Variants in PLSCR2 observed in about 807,000 individuals in gnomAD.
PLSCR2 encodes phospholipid scramblase 2.
In PLSCR2, 18 loss-of-function variants were observed where a neutral mutation model predicts 25.3. That is an observed-to-expected ratio of 0.71 (90% CI 0.49 to 1.06). The LOEUF is 1.06. Ranked by LOEUF, PLSCR2 falls within the 50% of genes least tolerant of loss-of-function variation. The pLI is 0.00. For synonymous variants in PLSCR2, 88 were observed against 87.3 expected, an observed-to-expected ratio of 1.01 and a Z score of -0.04; for missense variants, 243 against 269.5, an observed-to-expected ratio of 0.90 and a Z score of 0.69.
At chr3:146,433,372 C>A (rs766300308) in exon 9 of PLSCR2, 4 of 151,846 alleles carry the variant, frequency 2.6e-5, no homozygotes, top group African/African-American at 4.8e-5. Context: ...ATATTCAATG[C>A]GAAATGTTTA....
chr3:146,490,410 C>A (rs773948881), intron 1 of PLSCR2, among the ~76,000 whole-genome samples: 1 of 152,042 alleles, frequency 6.6e-6, no homozygotes, highest in Non-Finnish European at 1.5e-5. Flanking sequence ...GAAAATGAAG[C>A]ATGCCTCGTA....
chr3:146,414,514 G>A (rs950094286), intron 2 of PLSCR2, among the ~76,000 whole-genome samples: 2 of 151,962 alleles, frequency 1.3e-5, no homozygotes, highest in Non-Finnish European at 2.9e-5. Context: ...ATGCCAAAAC[G>A]GAAGAGCTTT....
chr3:146,394,017 G>A (rs2038188267), intron 3 of PLSCR2, among the ~76,000 whole-genome samples: 1 of 151,824 alleles, frequency 6.6e-6, no homozygotes, highest in Non-Finnish European at 1.5e-5. Context: ...CATGCATACA[G>A]GTCTAGAATT....
chr3:146,409,338 G>A (rs1298429512), intron 2 of PLSCR2, among the ~76,000 whole-genome samples: 1 of 152,096 alleles, frequency 6.6e-6, no homozygotes, highest in Non-Finnish European at 1.5e-5. Context: ...TGGTGGGACT[G>A]GGTGAGGGAG....
intron 3 of PLSCR2, among the ~76,000 whole-genome samples, chr3:146,392,070 G>A (rs1559963400): frequency 6.6e-6 from 1 of 151,788 alleles, no homozygotes; most frequent in Non-Finnish European, 1.5e-5. Context: ...TTTTTAGTTT[G>A]TTTTAATATC....
Position 146,449,376 on chromosome 3 carries a change from CA to C in PLSCR2, c.484-10del, listed in dbSNP as rs531684156. On this transcript the variant is annotated splice_polypyrimidine_tract_variant and intron_variant, in intron 5 of 6. Coordinates refer to ENST00000610787, the Ensembl canonical transcript of PLSCR2. Reference sequence around the variant, plus strand: ...TCATCAAGAGATGTAATCTAAATTGCAAAAAAAAAAAAAACTTAAAAATTTC... The same window carrying C: ...TCATCAAGAGATGTAATCTAAATTGCAAAAAAAAAAAAACTTAAAAATTTC... The C allele has an allele frequency of 0.066, 77,657 of 1,185,166 alleles. 8 individuals carry two copies. The highest frequency in any genetic ancestry group is 0.097 in the South Asian group (6,185 of 63,818). The allele number at this position is 1,185,166 out of a possible 1,614,324, so 73.4% of individuals were successfully genotyped here.
At chr3:146,411,697 A>G (rs34359311) in intron 2 of PLSCR2, among the ~76,000 whole-genome samples, 78,512 of 151,624 alleles carry the variant, frequency 0.52, 20,620 homozygotes, top group South Asian at 0.7. Context: ...TAATGCTCAA[A>G]ATTCTCTCGG....
In PLSCR2 at chr3:146,419,450, T is replaced by C. The variant is rs145810970; in HGVS notation, c.101-23529A>G. On this transcript the variant is annotated intron_variant and NMD_transcript_variant, in intron 2 of 3. Coordinates refer to the PLSCR2 transcript ENST00000463633. Reference sequence around the variant, plus strand: ...AATTCCAAAGCCACTTATGTATTTTTAGGTACTTGCTACAGCAAACAATGT... The same window carrying C: ...AATTCCAAAGCCACTTATGTATTTTCAGGTACTTGCTACAGCAAACAATGT... Among the ~76,000 whole-genome samples the C allele has an allele frequency of 2.7e-4, 41 of 152,262 alleles. No homozygotes were observed. The East Asian group carries it at 6.8e-3, about 25-fold the overall frequency.
chr3:146,482,712 C>T (rs565070317), intron 1 of PLSCR2, among the ~76,000 whole-genome samples: 10 of 152,248 alleles, frequency 6.6e-5, no homozygotes, highest in African/African-American at 2.2e-4. Context: ...TTGACCCAGC[C>T]ATCCCATTAC....
intron 8 of PLSCR2, among the ~76,000 whole-genome samples, chr3:146,434,195 A>G (rs1309132637): frequency 1.3e-5 from 2 of 152,130 alleles, no homozygotes; most frequent in Non-Finnish European, 2.9e-5. Flanking sequence ...AACATATCTC[A>G]CTGTATTGGA....
At chr3:146,473,303 CTTTTTTTT>C (rs35755415) in intron 1 of PLSCR2, among the ~76,000 whole-genome samples, 3 of 121,348 alleles carry the variant, frequency 2.5e-5, no homozygotes, top group African/African-American at 9.6e-5. Flanking sequence ...AAAGTACTAT[CTTTTTTTT>C]TTTTTTTTTT....
At chr3:146,402,522 C>G (rs1269044302) in intron 2 of PLSCR2, among the ~76,000 whole-genome samples, 3 of 151,882 alleles carry the variant, frequency 2.0e-5, no homozygotes, top group Non-Finnish European at 4.4e-5. Flanking sequence ...GGCTGGAGTG[C>G]AGTGGCACAG....
intron 1 of PLSCR2, among the ~76,000 whole-genome samples, chr3:146,488,945 A>G (rs150041016): frequency 1.6e-3 from 250 of 152,280 alleles, no homozygotes; most frequent in African/African-American, 5.8e-3. Context: ...AGACTGGATA[A>G]AAAGAATATG....
intron 1 of PLSCR2, chr3:146,494,933 A>G (rs1425739911): frequency 6.6e-6 from 1 of 152,140 alleles, no homozygotes; most frequent in Non-Finnish European, 1.5e-5. Flanking sequence ...TTGTAGGTCA[A>G]CTCTGATCCC....
At chr3:146,459,701 T>C in intron 2 of PLSCR2, 147 bp downstream of exon 2, 1 of 601,764 alleles carries the variant, frequency 1.7e-6, no homozygotes, top group Non-Finnish European at 2.9e-6. Flanking sequence ...AGTGATTTGT[T>C]AACAGAATGT....
chr3:146,480,313 A>T (rs549755700), intron 1 of PLSCR2, among the ~76,000 whole-genome samples: 106 of 152,350 alleles, frequency 7.0e-4, no homozygotes, highest in Non-Finnish European at 1.4e-3. Context: ...CTTTGTGAAA[A>T]GATCAACAAA....
At chr3:146,428,222 G>A (rs1178927463) in intron 2 of PLSCR2, among the ~76,000 whole-genome samples, 3 of 152,096 alleles carry the variant, frequency 2.0e-5, no homozygotes, top group Admixed American at 6.6e-5. Context: ...CTGTCTATTG[G>A]CAATATTTGA....
chr3:146,392,270 GTTT>G (rs2038105827), intron 3 of PLSCR2, among the ~76,000 whole-genome samples: 2 of 152,144 alleles, frequency 1.3e-5, no homozygotes, highest in South Asian at 4.1e-4. Flanking sequence ...TTTGACAAAT[GTTT>G]TTAATTTATT....
At chr3:146,455,456 A>G (rs764619350) in exon 4 of PLSCR2, 2 of 1,581,114 alleles carry the variant, frequency 1.3e-6, no homozygotes, top group Non-Finnish European at 1.7e-6. Context: ...AAAACTGAAT[A>G]GAACTAAAAA....
Sources: gnomAD v4.1 joint callset for allele counts (sites outside exome capture counted in the v4.1 genomes callset) on GRCh38, gnomAD v4.1.1 for gene constraint, MANE v1.5 for transcripts, NCBI Gene and HGNC (gene_info 2026-07-23, HGNC 2026-07-21) for gene names.